The following MED19 variants were observed in gnomAD, a reference collection of about 807,000 sequenced individuals.
The protein encoded by MED19 is mediator complex subunit 19.
Under a neutral mutation model 19.9 loss-of-function variants are expected in MED19, and 4 were observed. That is an observed-to-expected ratio of 0.20 (90% CI 0.10 to 0.46). The LOEUF is 0.46. Ranked by LOEUF, MED19 falls within the 20% of genes least tolerant of loss-of-function variation. The pLI is 0.99. For missense variants in MED19, 303 were observed against 318.7 expected (o/e 0.95, Z 0.38); for synonymous variants, 139 against 119.6 (o/e 1.16, Z -1.06).
At chr11:57,711,382 AGTCTC>A (rs1321411773) in intron 1 of MED19, among the ~76,000 whole-genome samples, 1 of 151,956 alleles carries the variant, frequency 6.6e-6, no homozygotes, top group Non-Finnish European at 1.5e-5. Flanking sequence ...TTTGAGACGG[AGTCTC>A]GTTCGCCCAG....
chr11:57,707,941 T>A lies in MED19; in HGVS notation c.218-2712A>T, dbSNP rs1251001128. The stretch of plus-strand genomic sequence containing the variant: ...TCTGCATCCTGGGCTCAAACTACTT[T>A]CCTGCCTCAGCCTCCCAGGTAGCTG... On this transcript the variant is annotated intron_variant, in intron 1 of 4. Transcript: ENST00000431606. Among the ~76,000 whole-genome samples, 5 of 152,288 alleles carry A rather than the reference T, an allele frequency of 3.3e-5. No homozygotes were observed. The South Asian group carries it at 8.3e-4, about 25-fold the overall frequency.
intron 1 of MED19, among the ~76,000 whole-genome samples, chr11:57,708,649 T>C (rs762918117): frequency 7.2e-5 from 11 of 152,172 alleles, no homozygotes; most frequent in Admixed American, 2.0e-4. Context: ...TGACAGGAAA[T>C]ATAGTCACTA....
At chr11:57,704,618 G>C (rs1182621694) in intron 3 of MED19, 101 bp downstream of exon 3, 4 of 1,602,070 alleles carry the variant, frequency 2.5e-6, no homozygotes, top group Middle Eastern at 4.5e-4. Context: ...GCTCCATACG[G>C]AACTTAACTG....
At chr11:57,710,211 A>C (rs1946549542) in intron 1 of MED19, among the ~76,000 whole-genome samples, 1 of 152,158 alleles carries the variant, frequency 6.6e-6, no homozygotes, top group Non-Finnish European at 1.5e-5. Context: ...AAAAATTTTA[A>C]GTTAGCCAAC....
intron 1 of MED19, among the ~76,000 whole-genome samples, chr11:57,709,151 G>A: frequency 6.6e-6 from 1 of 152,218 alleles, no homozygotes; most frequent in Non-Finnish European, 1.5e-5. Flanking sequence ...GGAGGCCAAG[G>A]TGGGCGGATC....
chr11:57,712,052 G>A, exon 1 of MED19: 1 of 1,536,472 alleles, frequency 6.5e-7, no homozygotes, highest in South Asian at 1.2e-5. Context: ...GGGAGGCGGG[G>A]CCGTGCCGGG....
intron 1 of MED19, among the ~76,000 whole-genome samples, chr11:57,708,794 C>T (rs1277229538): frequency 2.6e-5 from 4 of 152,166 alleles, no homozygotes; most frequent in Admixed American, 6.6e-5. Context: ...TATCTGTCAA[C>T]TGACTGATAC....
intron 1 of MED19, among the ~76,000 whole-genome samples, chr11:57,706,119 G>A (rs1202504713): frequency 6.6e-6 from 1 of 151,882 alleles, no homozygotes; most frequent in African/African-American, 2.4e-5. Context: ...TCGTGATACT[G>A]AGTATGATGC....
rs112879459 is a variant in MED19, at chr11:57,711,578, T to G, written c.217+385A>C. ...CATGTTGGCCAGGCCGGTCTCGAAC[T>G]CCTGACCTTAGGTGATTCGCCCGCC... On this transcript the variant is annotated intron_variant, in intron 1 of 4. Transcript: ENST00000431606. Among the ~76,000 whole-genome samples, 467 of 152,170 alleles carry G rather than the reference T, an allele frequency of 3.1e-3. 2 individuals carry two copies. Among genetic ancestry groups the G allele is most frequent in the Middle Eastern group, 6.8e-3 (2 of 294 alleles).
In MED19 at chr11:57,705,923, A is replaced by G. The variant is rs546279322; in HGVS notation, c.218-694T>C. On this transcript the variant is annotated intron_variant, in intron 1 of 4. Coordinates refer to ENST00000431606, the Ensembl canonical transcript of MED19. ...TCTCTGACACAGCTAGGAAAATACG[A>G]CCTTGCAGCTCAGCTACAACCATGC... Among the ~76,000 whole-genome samples, 5 of 152,034 alleles carry G rather than the reference A, an allele frequency of 3.3e-5. No individual in the cohort carries two copies. The East Asian group carries it at 7.7e-4, about 24-fold the overall frequency.
intron 1 of MED19, among the ~76,000 whole-genome samples, chr11:57,710,127 C>G (rs1946548042): frequency 6.6e-6 from 1 of 152,172 alleles, no homozygotes; most frequent in Non-Finnish European, 1.5e-5. Context: ...TTTGGGAGGC[C>G]AAGGCGGGAG....
chr11:57,711,820 A>T, intron 1 of MED19, 143 bp downstream of exon 1: 1 of 870,678 alleles, frequency 1.1e-6, no homozygotes, highest in Non-Finnish European at 1.6e-6. Flanking sequence ...TGTGAATCCT[A>T]ACAGCGCTTC....
intron 4 of MED19, 31 bp downstream of exon 4, chr11:57,704,271 A>G: frequency 6.5e-7 from 1 of 1,531,096 alleles, no homozygotes. Flanking sequence ...GGGGAAACTC[A>G]CTGGGTTGTG....
chr11:57,705,651 CAA>C (rs557485819), intron 1 of MED19, among the ~76,000 whole-genome samples: 10 of 58,012 alleles, frequency 1.7e-4, no homozygotes, highest in East Asian at 4.9e-4. Flanking sequence ...GACTCTGTCT[CAA>C]AAAAAAAAAA....
At chr11:57,704,472 G>T in intron 3 of MED19, 76 bp from the exon 4 acceptor site, 1 of 1,543,900 alleles carries the variant, frequency 6.5e-7, no homozygotes, top group South Asian at 1.2e-5. Flanking sequence ...AAGACTACAG[G>T]AAAATCCCAA....
chr11:57,707,701 C>T (rs996159062), intron 1 of MED19, among the ~76,000 whole-genome samples: 4 of 152,204 alleles, frequency 2.6e-5, no homozygotes, highest in Non-Finnish European at 5.9e-5. Flanking sequence ...TTCTGAATTT[C>T]CCCTGCTCTG....
chr11:57,705,306 TAA>T, intron 1 of MED19, 77 bp from the exon 2 acceptor site: 1 of 1,451,306 alleles, frequency 6.9e-7, no homozygotes, highest in African/African-American at 1.4e-5. Flanking sequence ...TATATTAACC[TAA>T]ATAAGACATT....
chr11:57,711,854 G>T, intron 1 of MED19, 109 bp downstream of exon 1: 2 of 1,222,472 alleles, frequency 1.6e-6, no homozygotes, highest in Non-Finnish European at 2.2e-6. Context: ...CACAGTCCGG[G>T]TATGCGTTGC....
In MED19 at chr11:57,704,965, G is replaced by A. The variant is rs756431916; in HGVS notation, c.474+8C>T. On this transcript the variant is annotated splice_region_variant and intron_variant, in intron 2 of 4. Coordinates refer to ENST00000431606, the Ensembl canonical transcript of MED19. ...CCCCATTTGCCTTCTTCCTCCAACAGGACTCACCGGGCCAGTGTGGAGGCG... is the reference window on the plus strand; with the variant it reads ...CCCCATTTGCCTTCTTCCTCCAACAAGACTCACCGGGCCAGTGTGGAGGCG... 36 of 1,611,478 alleles carry A rather than the reference G, an allele frequency of 2.2e-5. 1 individual carries two copies. In the South Asian group the frequency reaches 3.7e-4, roughly 17 times the overall value.
Sources: allele counts gnomAD v4.1 joint callset (sites outside exome capture counted in the v4.1 genomes callset), GRCh38; gene constraint gnomAD v4.1.1; transcripts MANE v1.5; gene names NCBI Gene and HGNC (gene_info 2026-07-23, HGNC 2026-07-21).